MLLT3: variants seen among roughly 807,000 people sequenced by gnomAD.
MLLT3 encodes protein AF-9.
Under a neutral mutation model 53.2 loss-of-function variants are expected in MLLT3, and 4 were observed. That is an observed-to-expected ratio of 0.08 (90% CI 0.04 to 0.17). MLLT3 has a LOEUF of 0.17. Among genes scored for constraint, MLLT3 ranks in the 10% least tolerant of loss-of-function variants. MLLT3 has a pLI of 1.00. For synonymous variants in MLLT3, 283 were observed against 230.6 expected (o/e 1.23, Z -2.06); for missense variants, 569 against 684.0 (o/e 0.83, Z 1.87).
chr9:20,518,907 T>A (rs1817984238), intron 2 of MLLT3, among the ~76,000 whole-genome samples: 1 of 152,220 alleles, frequency 6.6e-6, no homozygotes, highest in Non-Finnish European at 1.5e-5. Flanking sequence ...GACAACTAAC[T>A]GCAATGTGGG....
At chr9:20,433,768 AC>A (rs1823334735) in intron 4 of MLLT3, among the ~76,000 whole-genome samples, 1 of 152,166 alleles carries the variant, frequency 6.6e-6, no homozygotes, top group South Asian at 2.1e-4. Context: ...GGAGGCTAAG[AC>A]ATGACAACTA....
At chr9:20,613,496 A>C (rs1364050167) in intron 2 of MLLT3, among the ~76,000 whole-genome samples, 2 of 152,254 alleles carry the variant, frequency 1.3e-5, no homozygotes, top group East Asian at 3.8e-4. Flanking sequence ...AATCCAAACA[A>C]GGAATCAAAT....
intron 2 of MLLT3, among the ~76,000 whole-genome samples, chr9:20,565,110 T>C (rs1317126227): frequency 6.6e-6 from 1 of 151,870 alleles, no homozygotes; most frequent in East Asian, 1.9e-4. Flanking sequence ...TTAGGTAAAA[T>C]CTCTGGTTTA....
intron 4 of MLLT3, among the ~76,000 whole-genome samples, chr9:20,427,334 A>G (rs1353274068): frequency 6.6e-6 from 1 of 152,008 alleles, no homozygotes; most frequent in Non-Finnish European, 1.5e-5. Flanking sequence ...TGTTGGAATC[A>G]ATATCTCAAT....
intron 9 of MLLT3, 120 bp downstream of exon 9, chr9:20,354,688 A>G (rs1821119106): frequency 1.4e-6 from 1 of 697,682 alleles, no homozygotes; most frequent in Non-Finnish European, 2.5e-6. Context: ...TCATTTGGGC[A>G]TCTTGGACAC....
In MLLT3 at chr9:20,363,392, C is replaced by G. The variant is rs553084761; in HGVS notation, c.1331+84G>C. 122 of 1,513,658 alleles carry G rather than the reference C, an allele frequency of 8.1e-5. 2 individuals carry two copies. The South Asian group carries it at 1.2e-3, about 14-fold the overall frequency. 93.8% of individuals were successfully genotyped at this position (1,513,658 alleles called of 1,614,324 possible). A position where few individuals can be genotyped will look rare whatever the true frequency, so the allele number is the denominator to read the frequency against. ...ATCTACTGCCGTTTTTGGTGTTTCA[C>G]ACCTTTGCTGTGATTATCCCAGCAG... On this transcript the variant is annotated intron_variant, in intron 7 of 10. Coordinates refer to ENST00000380338, the MANE Select transcript of MLLT3 (RefSeq NM_004529.4).
At chr9:20,494,605 T>C (rs1360521417) in intron 2 of MLLT3, among the ~76,000 whole-genome samples, 1 of 140,836 alleles carries the variant, frequency 7.1e-6, no homozygotes, top group African/African-American at 2.7e-5. Flanking sequence ...CAGCACGTGA[T>C]GGCATTTTAC....
At chr9:20,403,096 C>T (rs535491895) in intron 5 of MLLT3, among the ~76,000 whole-genome samples, 1 of 151,374 alleles carries the variant, frequency 6.6e-6, no homozygotes, top group Non-Finnish European at 1.5e-5. Context: ...AACTGGGGGC[C>T]TGCATCCGAG....
intron 2 of MLLT3, among the ~76,000 whole-genome samples, chr9:20,494,933 A>T (rs1464780829): frequency 6.6e-6 from 1 of 151,990 alleles, no homozygotes; most frequent in Non-Finnish European, 1.5e-5. Flanking sequence ...ATGCAAGATG[A>T]TTTTTTTTCC....
At chr9:20,590,929 C>T (rs1443684491) in intron 2 of MLLT3, among the ~76,000 whole-genome samples, 1 of 151,248 alleles carries the variant, frequency 6.6e-6, no homozygotes, top group Non-Finnish European at 1.5e-5. Context: ...TATTATTTGA[C>T]TGTAGAGATG....
At chr9:20,415,560 C>G in intron 4 of MLLT3, 3 of 344,312 alleles carry the variant, frequency 8.7e-6, no homozygotes, top group Non-Finnish European at 1.2e-5. Flanking sequence ...CCTAATGGAA[C>G]CAAAGACAAA....
At chr9:20,527,035 A>T (rs1409796441) in intron 2 of MLLT3, among the ~76,000 whole-genome samples, 1 of 152,214 alleles carries the variant, frequency 6.6e-6, no homozygotes, top group Non-Finnish European at 1.5e-5. Flanking sequence ...GGACACAAGT[A>T]CTTGGTCCAA....
chr9:20,591,406 G>C (rs1429858104), intron 2 of MLLT3, among the ~76,000 whole-genome samples: 2 of 152,064 alleles, frequency 1.3e-5, no homozygotes, highest in African/African-American at 4.8e-5. Context: ...GACTGTAGGG[G>C]GCATTCTCAG....
intron 2 of MLLT3, among the ~76,000 whole-genome samples, chr9:20,486,958 T>C (rs1824829269): frequency 6.6e-6 from 1 of 152,134 alleles, no homozygotes; most frequent in Admixed American, 6.5e-5. Context: ...CATTTTATAA[T>C]AATAAAATCA....
At chr9:20,424,204 TA>T (rs1288380132) in intron 4 of MLLT3, among the ~76,000 whole-genome samples, 1 of 152,182 alleles carries the variant, frequency 6.6e-6, no homozygotes, top group Admixed American at 6.5e-5. Context: ...TAATTTATTT[TA>T]AAATCAGAGG....
At chr9:20,505,716 G>A (rs535717190) in intron 2 of MLLT3, among the ~76,000 whole-genome samples, 2 of 152,256 alleles carry the variant, frequency 1.3e-5, no homozygotes, top group Admixed American at 1.3e-4. Context: ...ACAAAGAAGT[G>A]GGCTTGATTG....
rs1820859494 is a variant in MLLT3 at position 20,346,122 on chromosome 9, A to G, written c.*321T>C. 1 of 318,092 alleles carries G rather than the reference A, an allele frequency of 3.1e-6. No homozygotes were observed. The highest frequency in any genetic ancestry group is 5.9e-6 in the Non-Finnish European group (1 of 170,554). The allele number at this position is 318,092 out of a possible 1,614,324, so 19.7% of individuals were successfully genotyped here. A position where few individuals can be genotyped will look rare whatever the true frequency, so the allele number is the denominator to read the frequency against. ...ACCACAGAGAGATACATGATACCAT[A>G]CACATTCTTTGAGTTTTCTTGTGTT... On this transcript the variant is annotated 3_prime_UTR_variant, in exon 11 of 11. Transcript: ENST00000380338.
At chr9:20,430,427 C>T (rs1823236420) in intron 4 of MLLT3, among the ~76,000 whole-genome samples, 1 of 152,068 alleles carries the variant, frequency 6.6e-6, no homozygotes, top group Admixed American at 6.6e-5. Context: ...GATCAACAAA[C>T]TGATCAATGG....
chr9:20,355,026 C>G lies in MLLT3; in HGVS notation c.1432-147G>C, dbSNP rs1008403184. 2.9e-5 allele frequency: 11 copies of G among 379,298 alleles called. No homozygotes were observed. The Admixed American group carries it at 4.4e-4, about 15-fold the overall frequency. The allele number at this position is 379,298 out of a possible 1,614,324, so 23.5% of individuals were successfully genotyped here. A position where few individuals can be genotyped will look rare whatever the true frequency, so the allele number is the denominator to read the frequency against. On this transcript the variant is annotated intron_variant, in intron 8 of 10. Transcript: ENST00000380338. ...TTCTTTTCTATACATTTTCCTTCTT[C>G]TCTCTAATCTTATTTTCCTTGGAAA...
Sources: gnomAD v4.1 joint callset for allele counts (sites outside exome capture counted in the v4.1 genomes callset) on GRCh38, gnomAD v4.1.1 for gene constraint, MANE v1.5 for transcripts, NCBI Gene and HGNC (gene_info 2026-07-23, HGNC 2026-07-21) for gene names.